ZDHHC11: variants seen among roughly 807,000 people sequenced by gnomAD.
ZDHHC11 encodes zDHHC palmitoyltransferase 11, also known as palmitoyltransferase ZDHHC11.
ZDHHC11 carries 44 observed loss-of-function variants against 51.3 expected under a neutral mutation model. The ratio of observed to expected loss-of-function variants is 0.86; its 90% CI spans 0.67 to 1.10. The LOEUF is 1.10. Ranked by LOEUF, ZDHHC11 falls within the 50% of genes least tolerant of loss-of-function variation. ZDHHC11 has a pLI of 0.00. For missense variants in ZDHHC11, 400 were observed against 537.7 expected (o/e 0.74, Z 2.53); for synonymous variants, 163 against 222.0 (o/e 0.73, Z 2.36).
At position 797,699 on chromosome 5, in the gene ZDHHC11, C is replaced by T. The variant is rs552764627; in HGVS notation, c.*8-1119G>A. On this transcript the variant is annotated intron_variant, in intron 12 of 12. Transcript: ENST00000283441. ...GATATTTCTGACTTTGTGTTTTCTT[C>T]ATGTTTTGGTCTGCCAAATTCAACA... Among the ~76,000 whole-genome samples the T allele has an allele frequency of 4.0e-5, 6 of 151,654 alleles. 1 individual carries two copies. The South Asian group carries it at 1.0e-3, about 26-fold the overall frequency.
At chr5:839,907 G>C (rs1213015799) in intron 5 of ZDHHC11, 1 of 370,598 alleles carries the variant, frequency 2.7e-6, no homozygotes, top group South Asian at 4.7e-5. Flanking sequence ...TGACCAAAAC[G>C]GCTGGTGCCA....
rs1237209941 is a variant in ZDHHC11, at chr5:837,349, G to C, written c.900+16C>G. 6.2e-7 allele frequency: 1 copy of C among 1,613,688 alleles called. No homozygotes were observed. The highest frequency in any genetic ancestry group is 8.5e-7 in the Non-Finnish European group (1 of 1,179,600). ...GTCCCAGGCCTGGAGAAATGGAGCA[G>C]AGAGACAGGTGGTACCTGGAGAACT... On this transcript the variant is annotated intron_variant, in intron 6 of 12. Coordinates refer to ENST00000283441, the MANE Select transcript of ZDHHC11 (RefSeq NM_024786.3).
intron 8 of ZDHHC11, among the ~76,000 whole-genome samples, 159 bp downstream of exon 8, chr5:825,005 T>C (rs3887551): frequency 6.6e-6 from 1 of 151,082 alleles, no homozygotes; most frequent in East Asian, 1.9e-4. Flanking sequence ...CCATCTCTCT[T>C]CTGTGCTCCA....
chr5:819,463 T>A, intron 10 of ZDHHC11, 62 bp downstream of exon 10: 1 of 1,560,732 alleles, frequency 6.4e-7, no homozygotes, highest in Non-Finnish European at 8.8e-7. Context: ...TTGGGGGACC[T>A]CAGACCACAC....
intron 1 of ZDHHC11, among the ~76,000 whole-genome samples, chr5:849,376 A>G (rs1746793925): frequency 6.6e-6 from 1 of 152,062 alleles, no homozygotes. Flanking sequence ...CCCAGGTATA[A>G]ACACAGCCGG....
intron 2 of ZDHHC11, chr5:847,837 G>A: frequency 3.5e-6 from 2 of 569,758 alleles, no homozygotes; most frequent in Non-Finnish European, 6.0e-6. Context: ...CAGAGCAGGA[G>A]GAGCTGTGTC....
chr5:837,230 C>G (rs1579712237), intron 6 of ZDHHC11, 135 bp downstream of exon 6: 1 of 977,840 alleles, frequency 1.0e-6, no homozygotes. Context: ...GCCTCACACA[C>G]AGACACACAC....
intron 10 of ZDHHC11, chr5:817,027 A>G (rs575410950): frequency 4.6e-6 from 1 of 218,782 alleles, no homozygotes; most frequent in East Asian, 1.2e-4. Flanking sequence ...ATCTTGCTGA[A>G]TTACTGCCCT....
In ZDHHC11 at chr5:850,553, A is replaced by C. The variant is rs555677638; in HGVS notation, c.50T>G (p.Leu17Arg). The C allele has an allele frequency of 2.5e-6, 4 of 1,613,518 alleles. No homozygotes were observed. The highest frequency in any genetic ancestry group is 1.7e-5 in the Admixed American group (1 of 59,998). Reference sequence around the variant, plus strand: ...CGGCAAGACCAGCTTTTCATTATTGAGTATGGCTTCTGGGGTGACGGAACA... The same window carrying C: ...CGGCAAGACCAGCTTTTCATTATTGCGTATGGCTTCTGGGGTGACGGAACA... Reference protein sequence around the residue: ...SQCSVTPEAILNNEKLVLPPR... With the variant: ...SQCSVTPEAIRNNEKLVLPPR... The change falls in exon 1 of 13, where the codon CTC (leucine) becomes CGC (arginine). Residue 17 changes from leucine to arginine, a missense_variant. Physicochemically the swap from Leu to Arg is moderately radical, Grantham distance 102. Around this residue, in one of 5 missense-constraint regions of ZDHHC11, gnomAD observed 119 missense variants for 99.6 expected, o/e 1.20. Coordinates refer to ENST00000283441, the MANE Select transcript of ZDHHC11 (RefSeq NM_024786.3).
intron 1 of ZDHHC11, among the ~76,000 whole-genome samples, chr5:856,751 C>T (rs1316910787): frequency 1.3e-5 from 2 of 151,074 alleles, no homozygotes; most frequent in African/African-American, 2.4e-5. Context: ...ATACACATCA[C>T]GCACACAGAA....
chr5:856,037 C>T (rs1416229177), intron 1 of ZDHHC11, among the ~76,000 whole-genome samples: 3 of 152,086 alleles, frequency 2.0e-5, no homozygotes, highest in African/African-American at 7.2e-5. Flanking sequence ...GCAGGGGACA[C>T]GGACGTCACA....
rs1428110868 is a variant in ZDHHC11 at position 795,978 on chromosome 5, G to GTATGCCCATTTCCCAGTACTC, written c.*609_*610insGAGTACTGGGAAATGGGCATA. 1 of 153,630 alleles carries GTATGCCCATTTCCCAGTACTC rather than the reference G, an allele frequency of 6.5e-6. No homozygotes were observed. The highest frequency in any genetic ancestry group is 1.5e-5 in the Non-Finnish European group (1 of 68,114). The allele number at this position is 153,630 out of a possible 1,614,324, so 9.5% of individuals were successfully genotyped here. On this transcript the variant is annotated 3_prime_UTR_variant, in exon 13 of 13. Coordinates refer to ENST00000283441, the MANE Select transcript of ZDHHC11 (RefSeq NM_024786.3). ...TACTGTATGCCCATTTCCCAGTACT[G>GTATGCCCATTTCCCAGTACTC]TGCTCCCATTTCTCAGTAGTGTACT...
chr5:839,821 G>A (rs1438334001), intron 5 of ZDHHC11: 1 of 226,220 alleles, frequency 4.4e-6, no homozygotes, highest in Non-Finnish European at 8.8e-6. Context: ...CGTGTCCACA[G>A]AAACCCCCTG....
intron 7 of ZDHHC11, among the ~76,000 whole-genome samples, chr5:828,433 G>A (rs867460743): frequency 8.6e-5 from 13 of 150,828 alleles, no homozygotes; most frequent in South Asian, 2.1e-4. Context: ...CCTCCTGGAC[G>A]GGGCGGCCGG....
chr5:846,081 C>T (rs1234344096), intron 3 of ZDHHC11, among the ~76,000 whole-genome samples: 3 of 150,452 alleles, frequency 2.0e-5, no homozygotes, highest in East Asian at 1.9e-4. Context: ...CCTTGGCCAT[C>T]GTGGAGCTGC....
In ZDHHC11 at chr5:850,629, GCGCCGTCAGATCCT is replaced by G; in HGVS notation, c.-41_-28del. ...TGCAGGACACAGAAGGGGAGGACCT[GCGCCGTCAGATCCT>G]GGGAGGGCCGGCCCCGCCCACTGTC... On this transcript the variant is annotated 5_prime_UTR_variant, in exon 1 of 13. It removes the in-frame stop codon of an upstream open reading frame in the 5' UTR. Transcript: ENST00000283441. 2 of 1,608,632 alleles carry G rather than the reference GCGCCGTCAGATCCT, an allele frequency of 1.2e-6. No homozygotes were observed. Among genetic ancestry groups the G allele is most frequent in the South Asian group, 2.2e-5 (2 of 91,006 alleles).
chr5:850,730 G>A lies in ZDHHC11; in HGVS notation c.-128C>T, dbSNP rs761806653. The A allele has an allele frequency of 8.5e-7, 1 of 1,178,926 alleles. No individual in the cohort carries two copies. Among genetic ancestry groups the A allele is most frequent in the South Asian group, 1.5e-5 (1 of 68,360 alleles). 73.0% of individuals were successfully genotyped at this position (1,178,926 alleles called of 1,614,324 possible). A position where few individuals can be genotyped will look rare whatever the true frequency, so the allele number is the denominator to read the frequency against. ...ACCAGCACTGACAGCCAATGGCCCA[G>A]CACTGCCTGGGGCCACGTTCCCCGC... On this transcript the variant is annotated 5_prime_UTR_variant, in exon 1 of 13. Transcript: ENST00000283441.
Position 801,150 on chromosome 5 carries a change from G to T in ZDHHC11, c.1196C>A (p.Thr399Lys), listed in dbSNP as rs755813811. The T allele has an allele frequency of 8.7e-6, 14 of 1,611,060 alleles. No homozygotes were observed. The South Asian group carries it at 1.4e-4, about 16-fold the overall frequency. The change falls in exon 12 of 13, where the codon ACA becomes AAA. Residue 399 changes from threonine (T) to lysine (K), a missense_variant. Physicochemically the swap from Thr to Lys is moderately conservative, Grantham distance 78 (BLOSUM62 -1). Transcript: ENST00000283441. Reference sequence around the variant, plus strand: ...ACTGTCAGTTTTCATGGGCTCTGTTGTTTCTTGTTGCAGCCTGTTTGCAAT... The same window carrying T: ...ACTGTCAGTTTTCATGGGCTCTGTTTTTTCTTGTTGCAGCCTGTTTGCAAT... Reference protein sequence around the residue: ...SISTLGLQQETTEPMKTDSAE... With the variant: ...SISTLGLQQEKTEPMKTDSAE...
At chr5:817,376 A>AT (rs1208983024) in intron 10 of ZDHHC11, among the ~76,000 whole-genome samples, 1 of 151,462 alleles carries the variant, frequency 6.6e-6, no homozygotes, top group East Asian at 1.9e-4. Context: ...TCATATTTCC[A>AT]TATGTGTTTC....
Sources: gnomAD v4.1 joint callset for allele counts (sites outside exome capture counted in the v4.1 genomes callset) on GRCh38, gnomAD v4.1.1 for gene constraint, gnomAD v4.1.1 regional missense constraint, MANE v1.5 for transcripts, NCBI Gene and HGNC (gene_info 2026-07-23, HGNC 2026-07-21) for gene names.